STMN1: variants seen among roughly 807,000 people sequenced by gnomAD.
STMN1 encodes the protein stathmin.
A neutral mutation model predicts 19.7 loss-of-function variants in STMN1; 3 were observed. The observed-to-expected ratio is 0.15, with a 90% CI of 0.07 to 0.39. The LOEUF (loss-of-function observed/expected upper bound fraction) is 0.39. Among genes scored for constraint, STMN1 ranks in the 10% least tolerant of loss-of-function variants. The pLI, the probability that STMN1 is intolerant of heterozygous loss-of-function variation, is 1.00. For missense variants in STMN1, 99 were observed against 176.0 expected, an observed-to-expected ratio of 0.56 and a Z score of 2.48; for synonymous variants, 59 against 58.9, an observed-to-expected ratio of 1.00 and a Z score of -0.01.
chr1:25,899,842 A>AC (rs2048851677), downstream of STMN1, among the ~76,000 whole-genome samples: 1 of 152,112 alleles, frequency 6.6e-6, no homozygotes, highest in Non-Finnish European at 1.5e-5. Context: ...CATGGACCCC[A>AC]CCGCAGTATT....
intron 3 of STMN1, chr1:25,903,418 C>T: frequency 2.0e-6 from 1 of 498,368 alleles, no homozygotes; most frequent in Non-Finnish European, 3.4e-6. Flanking sequence ...TTCTAATTTC[C>T]ATTATTTGAG....
intron 4 of STMN1, among the ~76,000 whole-genome samples, chr1:25,893,076 C>T (rs112412736): frequency 0.021 from 3,238 of 152,114 alleles, 58 homozygotes; most frequent in Non-Finnish European, 0.033. Flanking sequence ...CTAAATTGTA[C>T]GCTCAAAAAT....
chr1:25,886,103 G>A (rs74060886), intron 4 of STMN1, among the ~76,000 whole-genome samples: 2,078 of 152,284 alleles, frequency 0.014, 50 homozygotes, highest in African/African-American at 0.048. Flanking sequence ...GAAAGGTCAG[G>A]CAGGAACGGG....
At chr1:25,884,709 A>AG (rs1203913980), downstream of STMN1, 1 of 152,900 alleles carries the variant, frequency 6.5e-6, no homozygotes, top group East Asian at 1.9e-4. Flanking sequence ...AAAAAAAAAA[A>AG]AAAAAAAAGA....
At chr1:25,885,731 G>A (rs951812238) in exon 5 of STMN1, 1 of 1,551,184 alleles carries the variant, frequency 6.4e-7, no homozygotes. Flanking sequence ...ACCTAGTGAT[G>A]GTGAGAGAGA....
At chr1:25,903,901 TTAATG>T (rs2048905240) in intron 2 of STMN1, 88 bp from the exon 3 acceptor site, 1 of 1,365,096 alleles carries the variant, frequency 7.3e-7, no homozygotes. Flanking sequence ...CCAAATCAAT[TTAATG>T]TATTAAACTA....
chr1:25,894,607 G>T lies in STMN1; in HGVS notation c.378+6884C>A, dbSNP rs555391240. On this transcript the variant is annotated intron_variant, in intron 4 of 4. Transcript: ENST00000426559. Reference sequence around the variant, plus strand: ...AGGTTGGAGGATTGCTTGAGCCAAGGATGTTGAGGCTGCAGTGAGCTGTGT... The same window carrying T: ...AGGTTGGAGGATTGCTTGAGCCAAGTATGTTGAGGCTGCAGTGAGCTGTGT... Among the ~76,000 whole-genome samples the T allele has an allele frequency of 2.6e-5, 4 of 152,182 alleles. No individual in the cohort carries two copies. The South Asian group carries it at 8.3e-4, about 31-fold the overall frequency.
chr1:25,901,035 T>A lies in STMN1; in HGVS notation c.431A>T (p.Asp144Val). The A allele has an allele frequency of 6.2e-7, 1 of 1,612,716 alleles. No homozygotes were observed. The highest frequency in any genetic ancestry group is 8.5e-7 in the Non-Finnish European group (1 of 1,179,890). ...AACAAATTAGTCAGCTTCAGTCTCG[T>A]CAGCAGGGTCTTTGGATTCTTTGTT... ...RKNKESKDPA[D>V]ETEAD Residue 144 changes from aspartate (D) to valine (V), a missense_variant, in exon 5 of 5, where the codon GAC becomes GTC. Asp to Val is a radical substitution (Grantham distance 152). Coordinates refer to ENST00000455785, the MANE Select transcript of STMN1 (RefSeq NM_005563.4).
At chr1:25,897,311 G>GAAAAAAA (rs745773752), downstream of STMN1, among the ~76,000 whole-genome samples, 3 of 94,166 alleles carry the variant, frequency 3.2e-5, no homozygotes, top group African/African-American at 1.0e-4. Context: ...AGACTGTCTC[G>GAAAAAAA]AAAAAAAAAA....
intron 3 of STMN1, 97 bp downstream of exon 3, chr1:25,903,544 T>G: frequency 6.7e-7 from 1 of 1,493,474 alleles, no homozygotes; most frequent in Non-Finnish European, 9.2e-7. Context: ...ATAATCACAG[T>G]GTAGCTACAA....
chr1:25,892,597 C>CTGAGATTCT (rs1255531529), intron 4 of STMN1: 6 of 985,396 alleles, frequency 6.1e-6, no homozygotes, highest in Middle Eastern at 5.2e-4. Context: ...CCAGCTGGAG[C>CTGAGATTCT]TGAGATTCTT....
At chr1:25,891,795 G>A (rs1323087066) in intron 4 of STMN1, among the ~76,000 whole-genome samples, 3 of 151,932 alleles carry the variant, frequency 2.0e-5, no homozygotes, top group Admixed American at 2.0e-4. Flanking sequence ...TCTGCACCCC[G>A]CCACCCCCCA....
rs2048865492 is a variant in STMN1, at chr1:25,900,996, A to G, written c.*20T>C. ...GATATTTAGGAAGGGGATGGGGAGA[A>G]AGTCAGTTCTCAGAACAAATTAGTC... is the stretch of plus-strand genomic sequence containing the variant. On this transcript the variant is annotated 3_prime_UTR_variant, in exon 5 of 5. Transcript: ENST00000455785. The G allele has an allele frequency of 6.2e-7, 1 of 1,613,360 alleles. No individual in the cohort carries two copies. Among genetic ancestry groups the G allele is most frequent in the African/African-American group, 1.3e-5 (1 of 74,840 alleles).
chr1:25,892,523 C>T lies in STMN1; in HGVS notation c.379-6654G>A, dbSNP rs1030095916. ...GTTCTTTCTCTCTTACCTCAGATTC[C>T]TTCTTTAAACAGGGAGGGTAGATGC... On this transcript the variant is annotated intron_variant, in intron 4 of 4. Transcript: ENST00000426559. 156 of 985,092 alleles carry T rather than the reference C, an allele frequency of 1.6e-4. No homozygotes were observed. In the African/African-American group the frequency reaches 2.6e-3, roughly 17 times the overall value. The allele number at this position is 985,092 out of a possible 1,614,324, so 61.0% of individuals were successfully genotyped here.
Position 25,900,624 on chromosome 1 carries a change from G to T in STMN1, c.*392C>A. Reference sequence around the variant, plus strand: ...AGTCCAGTAGCATCTGGTAAGATTGGGACAGAATTGGGATTGAAAAGTGAA... The same window carrying T: ...AGTCCAGTAGCATCTGGTAAGATTGTGACAGAATTGGGATTGAAAAGTGAA... On this transcript the variant is annotated 3_prime_UTR_variant, in exon 5 of 5. Transcript: ENST00000455785. 1.0e-6 allele frequency: 1 copy of T among 994,284 alleles called. No homozygotes were observed. Among genetic ancestry groups the T allele is most frequent in the Non-Finnish European group, 1.2e-6 (1 of 835,744 alleles). 61.6% of individuals were successfully genotyped at this position (994,284 alleles called of 1,614,324 possible).
rs184031056 is a variant in STMN1, at chr1:25,900,992, G to A, written c.*24C>T. 142 of 1,612,846 alleles carry A rather than the reference G, an allele frequency of 8.8e-5. No homozygotes were observed. The African/African-American group carries it at 1.7e-3, about 19-fold the overall frequency. ...TTTGGATATTTAGGAAGGGGATGGG[G>A]AGAAAGTCAGTTCTCAGAACAAATT... On this transcript the variant is annotated 3_prime_UTR_variant, in exon 5 of 5. Transcript: ENST00000455785.
At chr1:25,904,813 A>T (rs765621051) in intron 1 of STMN1, 75 bp from the exon 2 acceptor site, 37 of 1,122,276 alleles carry the variant, frequency 3.3e-5, no homozygotes, top group Non-Finnish European at 4.7e-5. Context: ...AAAATCTCAC[A>T]TCACATCTAC....
At position 25,901,752 on chromosome 1, in the gene STMN1, G is replaced by A. The variant is rs977134320; in HGVS notation, c.187-70C>T. ...AGGCTGGGTGTGGTGGCTCACGCCT[G>A]TAATCCCAGCACTTTGGGAGGCCAA... On this transcript the variant is annotated intron_variant, in intron 3 of 4. Coordinates refer to ENST00000455785, the MANE Select transcript of STMN1 (RefSeq NM_005563.4). 7 of 1,477,288 alleles carry A rather than the reference G, an allele frequency of 4.7e-6. No homozygotes were observed. In the Admixed American group the frequency reaches 1.6e-4, roughly 33 times the overall value. The allele number at this position is 1,477,288 out of a possible 1,614,324, so 91.5% of individuals were successfully genotyped here. A position where few individuals can be genotyped will look rare whatever the true frequency, so the allele number is the denominator to read the frequency against.
rs746623314 is a variant in STMN1, at chr1:25,903,764, C to T, written c.63G>A (p.Glu21=). Residue 21 remains glutamate (E), a synonymous_variant, in exon 3 of 5, where the codon GAG becomes GAA. Coordinates refer to ENST00000455785, the MANE Select transcript of STMN1 (RefSeq NM_005563.4). ...LEKRASGQAF[E]LILSPRSKES... is the part of the protein sequence containing the mutation. Reference sequence around the variant, plus strand: ...CTTTTGACCGAGGGCTGAGAATCAGCTCAAAAGCCTGGCCTGAGGCACGCT... The same window carrying T: ...CTTTTGACCGAGGGCTGAGAATCAGTTCAAAAGCCTGGCCTGAGGCACGCT... 6.2e-7 allele frequency: 1 copy of T among 1,613,996 alleles called. No homozygotes were observed. Among genetic ancestry groups the T allele is most frequent in the South Asian group, 1.1e-5 (1 of 91,040 alleles).
Sources: gnomAD v4.1 joint callset for allele counts (sites outside exome capture counted in the v4.1 genomes callset) on GRCh38, gnomAD v4.1.1 for gene constraint, MANE v1.5 for transcripts, NCBI Gene and HGNC (gene_info 2026-07-23, HGNC 2026-07-21) for gene names.